PRDM11: variants seen among roughly 807,000 people sequenced by gnomAD.
The protein encoded by PRDM11 is PR/SET domain 11, also known as PR domain-containing protein 11.
A neutral mutation model predicts 97.8 loss-of-function variants in PRDM11; 20 were observed. That is an observed-to-expected ratio of 0.20 (90% CI 0.14 to 0.30). The LOEUF (loss-of-function observed/expected upper bound fraction) is 0.30, where lower values mean the gene tolerates loss of function less well. PRDM11 is among the 10% of genes least tolerant of loss of function. The pLI is 1.00. For synonymous variants in PRDM11, 599 were observed against 637.7 expected, an observed-to-expected ratio of 0.94 and a Z score of 0.91; for missense variants, 1,139 against 1,555.2, an observed-to-expected ratio of 0.73 and a Z score of 4.50.
At chr11:45,148,254 A>G (rs1851572884) in intron 1 of PRDM11, among the ~76,000 whole-genome samples, 1 of 152,132 alleles carries the variant, frequency 6.6e-6, no homozygotes, top group South Asian at 2.1e-4. Context: ...TCCTCCTCAT[A>G]GTCACTGTCT....
At chr11:45,171,804 C>G (rs1336471648) in intron 1 of PRDM11, among the ~76,000 whole-genome samples, 1 of 152,222 alleles carries the variant, frequency 6.6e-6, no homozygotes, top group Non-Finnish European at 1.5e-5. Context: ...ATTTCAGGAC[C>G]TGTTGGTTCA....
At chr11:45,176,317 C>T (rs1488074267) in intron 1 of PRDM11, among the ~76,000 whole-genome samples, 2 of 152,056 alleles carry the variant, frequency 1.3e-5, no homozygotes, top group Non-Finnish European at 2.9e-5. Context: ...GCAGAAGTTG[C>T]AATGAGCCGA....
chr11:45,170,211 C>T (rs1852168058), intron 1 of PRDM11, among the ~76,000 whole-genome samples: 1 of 152,088 alleles, frequency 6.6e-6, no homozygotes. Context: ...GGCGTGGTGA[C>T]AGGCACCTGT....
chr11:45,102,931 A>G (rs1184094560), intron 1 of PRDM11, among the ~76,000 whole-genome samples: 1 of 152,198 alleles, frequency 6.6e-6, no homozygotes, highest in Non-Finnish European at 1.5e-5. Flanking sequence ...GGCCTGATGT[A>G]CAGAAGAGCA....
chr11:45,145,678 C>T (rs1851491167), upstream of PRDM11, among the ~76,000 whole-genome samples: 1 of 152,202 alleles, frequency 6.6e-6, no homozygotes, highest in African/African-American at 2.4e-5. Context: ...GAGACGTCGC[C>T]ATTGGGCCAC....
chr11:45,213,875 AAGAGGAGGCAGGGGGC>A lies in PRDM11; in HGVS notation c.555-5692_555-5677del, dbSNP rs568041246. ...CAGAGGCCAGATCTGGAGTAGTGGG[AAGAGGAGGCAGGGGGC>A]AGGTCTTGCCCCTTGCCAGGCCTCT... On this transcript the variant is annotated intron_variant, in intron 5 of 7. Transcript: ENST00000683152. 1.5e-3 allele frequency: 575 copies of A among 389,226 alleles called. 6 individuals are homozygous for A. The East Asian group carries it at 0.031, about 21-fold the overall frequency. 24.1% of individuals were successfully genotyped at this position (389,226 alleles called of 1,614,324 possible).
intron 1 of PRDM11, among the ~76,000 whole-genome samples, chr11:45,130,416 C>T (rs1310297900): frequency 2.0e-5 from 3 of 152,128 alleles, no homozygotes; most frequent in Non-Finnish European, 4.4e-5. Flanking sequence ...AAGCACTTCA[C>T]AAGAAAGGAT....
intron 1 of PRDM11, among the ~76,000 whole-genome samples, chr11:45,096,673 G>T (rs1851890709): frequency 6.6e-6 from 1 of 152,188 alleles, no homozygotes; most frequent in African/African-American, 2.4e-5. Flanking sequence ...CACCTCCCAA[G>T]CAGCCTCTTC....
At chr11:45,143,296 A>G (rs1270063844), upstream of PRDM11, among the ~76,000 whole-genome samples, 3 of 152,192 alleles carry the variant, frequency 2.0e-5, no homozygotes, top group Non-Finnish European at 4.4e-5. Flanking sequence ...CCTTGGAGCT[A>G]ACAGGAAGTA....
At chr11:45,101,147 G>A (rs1233892534) in intron 1 of PRDM11, among the ~76,000 whole-genome samples, 3 of 152,150 alleles carry the variant, frequency 2.0e-5, no homozygotes, top group Non-Finnish European at 4.4e-5. Flanking sequence ...TGAGAGGTGT[G>A]TCTGTTCCAT....
chr11:45,198,340 C>T (rs551111407), intron 4 of PRDM11, among the ~76,000 whole-genome samples: 3 of 152,322 alleles, frequency 2.0e-5, no homozygotes, highest in Admixed American at 6.5e-5. Context: ...CTCAGGTCTT[C>T]AGTTGGCTGG....
rs535777465 is a variant in PRDM11, at chr11:45,113,254, T to C, written c.96+17353T>C. Among the ~76,000 whole-genome samples, 3 of 152,176 alleles carry C rather than the reference T, an allele frequency of 2.0e-5. No individual in the cohort carries two copies. In the South Asian group the frequency reaches 6.2e-4, roughly 31 times the overall value. ...TTTTGTATGCTTTATCAAAGAGCAG[T>C]TGGCTGTACTTATTTGGCTTTATTT... On this transcript the variant is annotated intron_variant, in intron 1 of 6. Transcript: ENST00000530656.
chr11:45,217,814 A>G (rs1318566440), intron 5 of PRDM11, among the ~76,000 whole-genome samples: 2 of 152,166 alleles, frequency 1.3e-5, no homozygotes, highest in Non-Finnish European at 2.9e-5. Flanking sequence ...TGGCATTCGT[A>G]TATTTCTTTT....
chr11:45,134,543 A>C (rs1044493616), intron 1 of PRDM11, among the ~76,000 whole-genome samples: 11 of 151,566 alleles, frequency 7.3e-5, no homozygotes, highest in Admixed American at 7.2e-4. Flanking sequence ...TACAAAAAAT[A>C]CAAAAATTAG....
intron 1 of PRDM11, among the ~76,000 whole-genome samples, chr11:45,114,240 T>C (rs1463842165): frequency 6.6e-6 from 1 of 152,172 alleles, no homozygotes; most frequent in South Asian, 2.1e-4. Flanking sequence ...AGCAAAGAAG[T>C]GGAAACTCTA....
At chr11:45,211,163 A>G (rs1462967054) in intron 5 of PRDM11, among the ~76,000 whole-genome samples, 2 of 152,146 alleles carry the variant, frequency 1.3e-5, no homozygotes, top group East Asian at 1.9e-4. Flanking sequence ...CACTCCTTCC[A>G]ACACTGGCCA....
upstream of PRDM11, among the ~76,000 whole-genome samples, chr11:45,141,748 C>G (rs770111265): frequency 6.6e-6 from 1 of 152,210 alleles, no homozygotes; most frequent in Non-Finnish European, 1.5e-5. Context: ...GACTGCACTG[C>G]ACCCCACCCA....
chr11:45,198,519 A>G (rs546918569), intron 4 of PRDM11, among the ~76,000 whole-genome samples: 50 of 152,362 alleles, frequency 3.3e-4, no homozygotes, highest in Non-Finnish European at 4.9e-4. Context: ...TGAATGCTTT[A>G]TGGATTCAAT....
At chr11:45,176,355 C>T (rs983905499) in intron 1 of PRDM11, among the ~76,000 whole-genome samples, 2 of 152,078 alleles carry the variant, frequency 1.3e-5, no homozygotes, top group Non-Finnish European at 2.9e-5. Context: ...CCAGCCTGAT[C>T]GACAGAGCGA....
Sources: allele counts gnomAD v4.1 joint callset (sites outside exome capture counted in the v4.1 genomes callset), GRCh38; gene constraint gnomAD v4.1.1; transcripts MANE v1.5; gene names NCBI Gene and HGNC (gene_info 2026-07-23, HGNC 2026-07-21).